The following TRIM50 variants were observed in gnomAD, a reference collection of about 807,000 sequenced individuals.
TRIM50 encodes tripartite motif containing 50.
Under a neutral mutation model 44.9 loss-of-function variants are expected in TRIM50, and 34 were observed. The ratio of observed to expected loss-of-function variants is 0.76; its 90% CI spans 0.58 to 1.01. The LOEUF (loss-of-function observed/expected upper bound fraction) is 1.01, where lower values mean the gene tolerates loss of function less well. Ranked by LOEUF, TRIM50 falls within the 50% of genes least tolerant of loss-of-function variation. TRIM50 has a pLI of 0.00. For missense variants in TRIM50, 633 were observed against 663.7 expected, an observed-to-expected ratio of 0.95 and a Z score of 0.51; for synonymous variants, 307 against 291.1, an observed-to-expected ratio of 1.05 and a Z score of -0.56.
At chr7:73,315,266 CAA>C (rs782646567) in intron 6 of TRIM50, 11 of 119,900 alleles carry the variant, frequency 9.2e-5, no homozygotes, top group Admixed American at 2.6e-4. Context: ...AATTTTCCTT[CAA>C]AAAAAAAAAA....
At chr7:73,322,864 C>T (rs571114475) in intron 2 of TRIM50, among the ~76,000 whole-genome samples, 3 of 152,260 alleles carry the variant, frequency 2.0e-5, no homozygotes, top group Non-Finnish European at 4.4e-5. Flanking sequence ...TGAGCCCCAC[C>T]GCTGTCCTGG....
At chr7:73,320,943 G>C (rs1804480393) in intron 2 of TRIM50, among the ~76,000 whole-genome samples, 1 of 151,308 alleles carries the variant, frequency 6.6e-6, no homozygotes, top group African/African-American at 2.4e-5. Context: ...AGAATTGCTT[G>C]AACCTGGGAG....
Position 73,324,750 on chromosome 7 carries a change from C to A in TRIM50, c.38G>T (p.Arg13Leu). The change falls in exon 2 of 7, where the codon CGG (arginine) becomes CTG (leucine). Residue 13 changes from arginine (R) to leucine (L), a missense_variant. Coordinates refer to ENST00000333149, the MANE Select transcript of TRIM50 (RefSeq NM_178125.3). ...WQVSLPELED[R>L]LQCPICLEVF... The stretch of plus-strand genomic sequence containing the variant: ...CTCCAGGCAGATGGGACACTGAAGC[C>A]GGTCCTCCAGCTCTGGCAGGCTCAC... The A allele has an allele frequency of 3.7e-6, 6 of 1,614,100 alleles. No homozygotes were observed. The highest frequency in any genetic ancestry group is 5.1e-6 in the Non-Finnish European group (6 of 1,180,030).
chr7:73,321,487 C>T (rs782775075), intron 2 of TRIM50, among the ~76,000 whole-genome samples: 6 of 152,162 alleles, frequency 3.9e-5, no homozygotes, highest in Non-Finnish European at 7.4e-5. Context: ...TCCCCACACC[C>T]ATAAACACCT....
Position 73,313,295 on chromosome 7 carries a change from C to G in TRIM50, c.1090G>C (p.Gly364Arg), listed in dbSNP as rs1554543453. 1 of 1,605,688 alleles carries G rather than the reference C, an allele frequency of 6.2e-7. No individual in the cohort carries two copies. Among genetic ancestry groups the G allele is most frequent in the Admixed American group, 1.7e-5 (1 of 58,828 alleles). ...CGGCTGGCTGTGCCCTTGATGACCC[C>G]CAGGCGCCAGTCGCTCTTGCTGCCC... ...VVGSKSDWRL[G>R]VIKGTASRKG... The change falls in exon 7 of 7, where the codon GGG becomes CGG. Residue 364 changes from glycine (G) to arginine (R), a missense_variant. Coordinates refer to ENST00000333149, the MANE Select transcript of TRIM50 (RefSeq NM_178125.3). This position sits in a 1 kb window ranked among gnomAD's most constrained non-coding sequence, Gnocchi z 4.9.
rs150661581 is a variant in TRIM50 at position 73,324,584 on chromosome 7, G to A, written c.204C>T (p.Asn68=). ...CTTCGATCACCCTGGCCAGGGAGACGTTGGGCAGGGAGCTGCTGCCGTCCA... is the reference window on the plus strand; with the variant it reads ...CTTCGATCACCCTGGCCAGGGAGACATTGGGCAGGGAGCTGCTGCCGTCCA... ...QAVDGSSSLP[N]VSLARVIEAL... Residue 68 remains asparagine (N), a synonymous_variant, in exon 2 of 7, where the codon AAC becomes AAT. Transcript: ENST00000333149. 1.3e-4 allele frequency: 210 copies of A among 1,614,148 alleles called. No homozygotes were observed. Among genetic ancestry groups the A allele is most frequent in the Middle Eastern group, 3.3e-4 (2 of 6,050 alleles).
rs1554543453 is a variant in TRIM50 at position 73,313,295 on chromosome 7, C to T, written c.1090G>A (p.Gly364Arg). ...VVGSKSDWRL[G>R]VIKGTASRKG... The stretch of plus-strand genomic sequence containing the variant: ...CGGCTGGCTGTGCCCTTGATGACCC[C>T]CAGGCGCCAGTCGCTCTTGCTGCCC... The change falls in exon 7 of 7, where the codon GGG becomes AGG. Residue 364 changes from glycine to arginine, a missense_variant. Coordinates refer to ENST00000333149, the MANE Select transcript of TRIM50 (RefSeq NM_178125.3). The surrounding 1 kb of genome is among the most constrained non-coding windows in gnomAD (Gnocchi z 4.9). The T allele has an allele frequency of 6.2e-7, 1 of 1,605,688 alleles. No homozygotes were observed. Among genetic ancestry groups the T allele is most frequent in the East Asian group, 2.2e-5 (1 of 44,510 alleles).
chr7:73,324,681 C>T lies in TRIM50; in HGVS notation c.107G>A (p.Cys36Tyr), dbSNP rs1554545677. The change falls in exon 2 of 7, where the codon TGC becomes TAC. Residue 36 changes from cysteine (C) to tyrosine (Y), a missense_variant. Coordinates refer to ENST00000333149, the MANE Select transcript of TRIM50 (RefSeq NM_178125.3). ...GGACAGGGAAACCAGGCAGCCCTTG[C>T]AGTAAGAGTGGCCACACTGCAGCAT... Reference protein sequence around the residue: ...PLMLQCGHSYCKGCLVSLSCH... With the variant: ...PLMLQCGHSYYKGCLVSLSCH... The T allele has an allele frequency of 1.2e-6, 2 of 1,614,108 alleles. No individual in the cohort carries two copies. Among genetic ancestry groups the T allele is most frequent in the South Asian group, 2.2e-5 (2 of 91,088 alleles).
intron 2 of TRIM50, among the ~76,000 whole-genome samples, chr7:73,323,869 C>A (rs1355047264): frequency 6.6e-6 from 1 of 152,006 alleles, no homozygotes; most frequent in Non-Finnish European, 1.5e-5. Flanking sequence ...AACAAGACCC[C>A]ATTTCTACAA....
intron 5 of TRIM50, among the ~76,000 whole-genome samples, chr7:73,317,130 T>C (rs1554544221): frequency 6.6e-6 from 1 of 151,870 alleles, no homozygotes; most frequent in African/African-American, 2.4e-5. Context: ...TTCGACTCAG[T>C]GCAGCCTCAA....
Position 73,324,704 on chromosome 7 carries a change from C to T in TRIM50, c.84G>A (p.Met28Ile), listed in dbSNP as rs1804581596. ...TGCAGTAAGAGTGGCCACACTGCAG[C>T]ATCAGGGGCTCCTTGAAGACCTCCA... ...ICLEVFKEPL[M>I]LQCGHSYCKG... is the part of the protein sequence containing the mutation. Residue 28 changes from methionine (M) to isoleucine (I), a missense_variant, in exon 2 of 7, where the codon ATG becomes ATA. Met to Ile is a conservative substitution (Grantham distance 10, BLOSUM62 1). Coordinates refer to ENST00000333149, the MANE Select transcript of TRIM50 (RefSeq NM_178125.3). 3 of 1,614,102 alleles carry T rather than the reference C, an allele frequency of 1.9e-6. No homozygotes were observed. Among genetic ancestry groups the T allele is most frequent in the Non-Finnish European group, 2.5e-6 (3 of 1,180,050 alleles).
At chr7:73,323,933 G>A (rs1419779568) in intron 2 of TRIM50, among the ~76,000 whole-genome samples, 12 of 152,098 alleles carry the variant, frequency 7.9e-5, no homozygotes, top group African/African-American at 2.9e-4. Context: ...CCAGCTGCTC[G>A]GGAGGCTGAG....
intron 6 of TRIM50, among the ~76,000 whole-genome samples, chr7:73,316,187 T>TAC (rs1554544035): frequency 2.0e-5 from 3 of 152,142 alleles, no homozygotes; most frequent in African/African-American, 7.2e-5. Context: ...AGACAAAAAG[T>TAC]ACATTACTTT....
chr7:73,319,617 G>A (rs528110913), intron 3 of TRIM50, among the ~76,000 whole-genome samples: 23 of 152,342 alleles, frequency 1.5e-4, no homozygotes, highest in African/African-American at 5.3e-4. Context: ...CGCCTGCCGC[G>A]CAAGGGTGAG....
chr7:73,320,240 C>T lies in TRIM50; in HGVS notation c.402G>A (p.Glu134=). Residue 134 remains glutamate (E), a splice_region_variant and synonymous_variant, in exon 3 of 7, where the codon GAG becomes GAA. Transcript: ENST00000333149. The part of the protein sequence containing the change: ...PVSTVYSRMK[E]ELAALISELK... ...GCTCAGAGATGAGGGCTGCGAGCTC[C>T]TCCTGGAGGCAACAGGCCATGGCCC... 3 of 1,614,000 alleles carry T rather than the reference C, an allele frequency of 1.9e-6. No homozygotes were observed. Among genetic ancestry groups the T allele is most frequent in the Non-Finnish European group, 2.5e-6 (3 of 1,179,876 alleles).
chr7:73,319,096 G>A, intron 3 of TRIM50, 44 bp from the exon 4 acceptor site: 1 of 1,613,814 alleles, frequency 6.2e-7, no homozygotes. Context: ...CAGCCGAGCT[G>A]CCAGGCTCTG....
intron 1 of TRIM50, among the ~76,000 whole-genome samples, chr7:73,327,521 G>T (rs1318737786): frequency 5.3e-5 from 8 of 152,170 alleles, no homozygotes; most frequent in Non-Finnish European, 2.9e-5. Context: ...TCTTGTCTGG[G>T]CCTAAATTCT....
chr7:73,324,189 T>C (rs1331782614), intron 2 of TRIM50, among the ~76,000 whole-genome samples, 200 bp downstream of exon 2: 1 of 151,922 alleles, frequency 6.6e-6, no homozygotes, highest in Non-Finnish European at 1.5e-5. Context: ...ACCAGGGAGC[T>C]CCCATCCTGT....
chr7:73,312,900 C>A lies in TRIM50; in HGVS notation c.*21G>T. 2.0e-6 allele frequency: 3 copies of A among 1,502,462 alleles called. No individual in the cohort carries two copies. Among genetic ancestry groups the A allele is most frequent in the South Asian group, 1.3e-5 (1 of 77,912 alleles). 93.1% of individuals were successfully genotyped at this position (1,502,462 alleles called of 1,614,324 possible). ...TGCCCCGCCGGGATGGGCCTGTGGG[C>A]CGGCAGGACTCCGGGCGGCCCTACA... On this transcript the variant is annotated 3_prime_UTR_variant, in exon 7 of 7. Transcript: ENST00000333149.
Sources: allele counts gnomAD v4.1 joint callset (sites outside exome capture counted in the v4.1 genomes callset), GRCh38; gene constraint gnomAD v4.1.1; non-coding constraint Gnocchi (gnomAD v3.1); transcripts MANE v1.5; gene names NCBI Gene and HGNC (gene_info 2026-07-23, HGNC 2026-07-21).